The following GRIK1 variants were observed in gnomAD, a reference collection of about 807,000 sequenced individuals.
The protein encoded by GRIK1 is glutamate receptor ionotropic, kainate 1.
GRIK1 carries 69 observed loss-of-function variants against 105.7 expected under a neutral mutation model. The observed-to-expected ratio is 0.65, with a 90% CI of 0.54 to 0.80. The LOEUF is 0.80. Ranked by LOEUF, GRIK1 falls within the 30% of genes least tolerant of loss-of-function variation. The pLI, the probability that GRIK1 is intolerant of heterozygous loss-of-function variation, is 0.00. For missense variants in GRIK1, 1,109 were observed against 1,167.3 expected (o/e 0.95, Z 0.73); for synonymous variants, 438 against 431.3 (o/e 1.02, Z -0.19).
chr21:29,919,715 C>A (rs146152844), intron 1 of GRIK1, among the ~76,000 whole-genome samples: 1 of 152,064 alleles, frequency 6.6e-6, no homozygotes, highest in Non-Finnish European at 1.5e-5. Flanking sequence ...ATTATTAAAA[C>A]CATATTTTTA....
intron 1 of GRIK1, among the ~76,000 whole-genome samples, chr21:29,736,478 C>T (rs1351966811): frequency 6.6e-6 from 1 of 152,124 alleles, no homozygotes; most frequent in Non-Finnish European, 1.5e-5. Context: ...ATCCTTCCTC[C>T]TCAGCCTCCC....
chr21:29,822,476 C>T (rs1252897342), intron 1 of GRIK1, among the ~76,000 whole-genome samples: 2 of 151,934 alleles, frequency 1.3e-5, no homozygotes, highest in African/African-American at 4.8e-5. Context: ...AAACAAAACC[C>T]ATAATTTTTT....
At chr21:29,729,079 T>C (rs1440502574) in intron 1 of GRIK1, among the ~76,000 whole-genome samples, 1 of 152,192 alleles carries the variant, frequency 6.6e-6, no homozygotes, top group Non-Finnish European at 1.5e-5. Flanking sequence ...AGATGAGTGA[T>C]TGTGATTGGG....
intron 7 of GRIK1, among the ~76,000 whole-genome samples, chr21:29,638,934 G>T (rs542972363): frequency 1.6e-4 from 25 of 152,128 alleles, no homozygotes; most frequent in Non-Finnish European, 3.4e-4. Flanking sequence ...GTTATAGAAG[G>T]AGGAACTGAG....
At chr21:29,628,803 G>C (rs1333145942) in intron 7 of GRIK1, among the ~76,000 whole-genome samples, 1 of 152,110 alleles carries the variant, frequency 6.6e-6, no homozygotes, top group Non-Finnish European at 1.5e-5. Flanking sequence ...AAATTACTTT[G>C]ATCATATTAA....
intron 1 of GRIK1, among the ~76,000 whole-genome samples, chr21:29,695,065 T>C (rs74877126): frequency 2.0e-5 from 3 of 152,314 alleles, no homozygotes; most frequent in Non-Finnish European, 4.4e-5. Context: ...GTCCCTTCAC[T>C]GAGCAAGTGC....
At chr21:29,699,705 T>C (rs1418793286) in intron 1 of GRIK1, among the ~76,000 whole-genome samples, 1 of 151,600 alleles carries the variant, frequency 6.6e-6, no homozygotes, top group East Asian at 1.9e-4. Flanking sequence ...CTGGAGTGCA[T>C]TGGCGCAATC....
At chr21:29,825,914 C>T (rs1017097239) in intron 1 of GRIK1, among the ~76,000 whole-genome samples, 2 of 152,050 alleles carry the variant, frequency 1.3e-5, no homozygotes, top group Non-Finnish European at 2.9e-5. Flanking sequence ...TCTCTCCCCA[C>T]ACAAACCTGC....
intron 1 of GRIK1, among the ~76,000 whole-genome samples, chr21:29,896,205 G>T (rs2070150314): frequency 6.6e-6 from 1 of 152,216 alleles, no homozygotes; most frequent in African/African-American, 2.4e-5. Context: ...GAGGCGAATT[G>T]TGTGCAAACT....
At chr21:29,712,290 C>T (rs1352003293) in intron 1 of GRIK1, among the ~76,000 whole-genome samples, 1 of 152,020 alleles carries the variant, frequency 6.6e-6, no homozygotes, top group Non-Finnish European at 1.5e-5. Context: ...TATTGCCAGA[C>T]ATTATATTCA....
chr21:29,675,884 C>G (rs2146656727), intron 3 of GRIK1, among the ~76,000 whole-genome samples: 2 of 152,262 alleles, frequency 1.3e-5, no homozygotes, highest in African/African-American at 4.8e-5. Context: ...AAATCAGTGG[C>G]CCCTCCCAAC....
chr21:29,658,616 A>G (rs772593949), intron 4 of GRIK1, among the ~76,000 whole-genome samples: 45 of 152,186 alleles, frequency 3.0e-4, no homozygotes, highest in Non-Finnish European at 4.9e-4. Context: ...ACATTATATC[A>G]TTGACTTAGA....
intron 1 of GRIK1, among the ~76,000 whole-genome samples, chr21:29,738,562 A>C (rs2064852717): frequency 6.6e-6 from 1 of 152,244 alleles, no homozygotes; most frequent in African/African-American, 2.4e-5. Flanking sequence ...AAGAAAATAA[A>C]TTGTATGGAA....
intron 13 of GRIK1, among the ~76,000 whole-genome samples, chr21:29,580,029 A>G (rs951301651): frequency 5.6e-5 from 8 of 141,670 alleles, no homozygotes; most frequent in South Asian, 4.4e-4. Flanking sequence ...GTATATATGT[A>G]TATATGTGTA....
chr21:29,848,779 A>ATATATATATATATATATTTTTTT, intron 1 of GRIK1, among the ~76,000 whole-genome samples: 33 of 77,852 alleles, frequency 4.2e-4, no homozygotes, highest in African/African-American at 1.9e-3. Flanking sequence ...ATATATATAT[A>ATATATATATATATATATTTTTTT]TTTTTTTTTT....
At chr21:29,920,293 T>A (rs1197227770) in intron 1 of GRIK1, among the ~76,000 whole-genome samples, 1 of 152,090 alleles carries the variant, frequency 6.6e-6, no homozygotes, top group Non-Finnish European at 1.5e-5. Context: ...AAAGGGCTAC[T>A]ATATGTACAC....
At chr21:29,726,289 G>A (rs1275112925) in intron 1 of GRIK1, among the ~76,000 whole-genome samples, 1 of 152,122 alleles carries the variant, frequency 6.6e-6, no homozygotes, top group Non-Finnish European at 1.5e-5. Flanking sequence ...TTAGGGTTTT[G>A]TAAAAGCACT....
chr21:29,785,561 CA>C (rs950219193), intron 1 of GRIK1, among the ~76,000 whole-genome samples: 11,564 of 58,128 alleles, frequency 0.2, 162 homozygotes, highest in Non-Finnish European at 0.22. Flanking sequence ...GAGACTGTCT[CA>C]AAAAAAAAAA....
chr21:29,592,705 G>A (rs1375590826), intron 9 of GRIK1, among the ~76,000 whole-genome samples: 2 of 152,220 alleles, frequency 1.3e-5, no homozygotes, highest in African/African-American at 2.4e-5. Context: ...GTATGTGGAA[G>A]TGTTGGTGCA....
Sources: allele counts gnomAD v4.1 joint callset (sites outside exome capture counted in the v4.1 genomes callset), GRCh38; gene constraint gnomAD v4.1.1; transcripts MANE v1.5; gene names NCBI Gene and HGNC (gene_info 2026-07-23, HGNC 2026-07-21).